LRP2: variants seen among roughly 807,000 people sequenced by gnomAD.
LRP2 encodes LDL receptor related protein 2.
LRP2 carries 172 observed loss-of-function variants against 531.0 expected under a neutral mutation model. That is an observed-to-expected ratio of 0.32 (90% CI 0.29 to 0.37). The LOEUF (loss-of-function observed/expected upper bound fraction) is 0.37, where lower values mean the gene tolerates loss of function less well. Ranked by LOEUF, LRP2 falls within the 10% of genes least tolerant of loss-of-function variation. The pLI is 1.00. For synonymous variants in LRP2, 1,992 were observed against 2,027.6 expected (o/e 0.98, Z 0.47); for missense variants, 5,167 against 5,868.3 (o/e 0.88, Z 3.90).
intron 6 of LRP2, among the ~76,000 whole-genome samples, chr2:169,293,342 A>G (rs1458129255): frequency 3.9e-5 from 6 of 152,246 alleles, no homozygotes; most frequent in African/African-American, 1.4e-4. Flanking sequence ...AAGCAAGGTC[A>G]GCGTGAAGAA....
At chr2:169,312,697 C>A (rs1329421221) in intron 3 of LRP2, among the ~76,000 whole-genome samples, 1 of 152,062 alleles carries the variant, frequency 6.6e-6, no homozygotes, top group South Asian at 2.1e-4. Flanking sequence ...TTGCTCTTCT[C>A]GAGGTATGTC....
At chr2:169,143,125 C>G (rs1386939243) in intron 70 of LRP2, among the ~76,000 whole-genome samples, 1 of 152,140 alleles carries the variant, frequency 6.6e-6, no homozygotes, top group Non-Finnish European at 1.5e-5. Context: ...TGCTAAACAA[C>G]TTGAGATGGT....
chr2:169,194,004 T>C, intron 46 of LRP2, 112 bp from the exon 47 acceptor site: 2 of 1,148,448 alleles, frequency 1.7e-6, no homozygotes, highest in Non-Finnish European at 1.3e-6. Flanking sequence ...AGAGCATTAT[T>C]TAATTATATA....
intron 44 of LRP2, among the ~76,000 whole-genome samples, chr2:169,200,553 G>A (rs1255867755): frequency 1.3e-5 from 2 of 152,064 alleles, no homozygotes; most frequent in Non-Finnish European, 2.9e-5. Context: ...AAAAACAGTT[G>A]ACAGCACTGT....
At chr2:169,188,882 T>G (rs1486288058) in intron 48 of LRP2, among the ~76,000 whole-genome samples, 1 of 152,188 alleles carries the variant, frequency 6.6e-6, no homozygotes, top group Non-Finnish European at 1.5e-5. Context: ...CTTCCATCTT[T>G]CATTACACTC....
At chr2:169,182,726 G>C in intron 50 of LRP2, 1 of 585,454 alleles carries the variant, frequency 1.7e-6, no homozygotes, top group Non-Finnish European at 2.2e-6. Context: ...GTGTGTCATT[G>C]AAACTGCACA....
chr2:169,158,967 A>G (rs1686466664), intron 63 of LRP2, among the ~76,000 whole-genome samples: 1 of 152,028 alleles, frequency 6.6e-6, no homozygotes, highest in Non-Finnish European at 1.5e-5. Context: ...CTAACACTTC[A>G]TTGTTCATCA....
chr2:169,188,912 G>A lies in LRP2; in HGVS notation c.9033-647C>T, dbSNP rs1687733278. ...ACACTCCTGCCATCTATCATGAGAT[G>A]TGAGTCTTCATGGTGATGTGAATAA... On this transcript the variant is annotated intron_variant, in intron 48 of 78. Coordinates refer to ENST00000649046, the MANE Select transcript of LRP2 (RefSeq NM_004525.3). Among the ~76,000 whole-genome samples the A allele has an allele frequency of 2.0e-5, 3 of 152,178 alleles. No homozygotes were observed. The South Asian group carries it at 6.2e-4, about 32-fold the overall frequency.
intron 1 of LRP2, among the ~76,000 whole-genome samples, chr2:169,336,804 C>G (rs920866950): frequency 1.3e-5 from 2 of 152,176 alleles, no homozygotes; most frequent in African/African-American, 4.8e-5. Context: ...GTTTGGCTAT[C>G]CTCAAGCAAG....
At chr2:169,218,319 C>T (rs1245254685) in intron 34 of LRP2, among the ~76,000 whole-genome samples, 1 of 152,138 alleles carries the variant, frequency 6.6e-6, no homozygotes, top group Non-Finnish European at 1.5e-5. Flanking sequence ...CCTGATATAT[C>T]TTAAAAGCTA....
In LRP2 at chr2:169,196,742, C is replaced by T. The variant is rs17848176; in HGVS notation, c.8698+169G>A. ...CTCCCCACACAGTGCTCTCCACTAACAGGTCTTAATGAATATCCGCTGAGC... is the reference window on the plus strand; with the variant it reads ...CTCCCCACACAGTGCTCTCCACTAATAGGTCTTAATGAATATCCGCTGAGC... On this transcript the variant is annotated intron_variant, in intron 46 of 78. Transcript: ENST00000649046. 1.6e-3 allele frequency among the ~76,000 whole-genome samples: 246 copies of T among 152,354 alleles called. 4 individuals carry two copies. The East Asian group carries it at 0.039, about 24-fold the overall frequency.
chr2:169,325,472 A>C (rs955743550), intron 1 of LRP2, among the ~76,000 whole-genome samples: 8 of 152,242 alleles, frequency 5.3e-5, no homozygotes, highest in Admixed American at 5.2e-4. Context: ...GTATGGATAG[A>C]CATCCTTCTG....
At chr2:169,186,571 C>G (rs959800097) in intron 49 of LRP2, among the ~76,000 whole-genome samples, 24 of 152,208 alleles carry the variant, frequency 1.6e-4, no homozygotes, top group African/African-American at 5.5e-4. Flanking sequence ...CTCTACTCAT[C>G]AAGGAGCAAT....
At chr2:169,165,478 G>A (rs1298482810) in intron 62 of LRP2, among the ~76,000 whole-genome samples, 4 of 152,180 alleles carry the variant, frequency 2.6e-5, no homozygotes, top group Non-Finnish European at 5.9e-5. Flanking sequence ...GATAAGCTCT[G>A]TTAACACCAG....
intron 63 of LRP2, among the ~76,000 whole-genome samples, chr2:169,160,685 A>AAAAAAAAAAAAAAAAAAACAAAC (rs970862922): frequency 2.1e-5 from 2 of 94,234 alleles, no homozygotes; most frequent in African/African-American, 9.1e-5. Context: ...ATTTCCTTAA[A>AAAAAAAAAAAAAAAAAAACAAAC]AAAAAAAAAA....
intron 64 of LRP2, 39 bp downstream of exon 64, chr2:169,157,332 A>C (rs1430760720): frequency 6.2e-7 from 1 of 1,606,140 alleles, no homozygotes; most frequent in Non-Finnish European, 8.5e-7. Context: ...CTTAGATGTA[A>C]AGTTCACCTA....
At chr2:169,270,156 A>T (rs1229623049) in intron 16 of LRP2, among the ~76,000 whole-genome samples, 3 of 152,240 alleles carry the variant, frequency 2.0e-5, no homozygotes, top group Non-Finnish European at 2.9e-5. Flanking sequence ...ACACTGTTGG[A>T]GGGACTGTAA....
chr2:169,307,512 T>C, intron 3 of LRP2, 115 bp from the exon 4 acceptor site: 1 of 712,646 alleles, frequency 1.4e-6, no homozygotes, highest in South Asian at 1.5e-5. Flanking sequence ...CAAGGTAAAG[T>C]ACCTGGCTAC....
intron 1 of LRP2, among the ~76,000 whole-genome samples, chr2:169,337,127 G>C (rs1268733830): frequency 6.6e-6 from 1 of 152,038 alleles, no homozygotes; most frequent in Admixed American, 6.6e-5. Context: ...CATGGCTCAC[G>C]ACCCTGACCC....
Sources: allele counts gnomAD v4.1 joint callset (sites outside exome capture counted in the v4.1 genomes callset), GRCh38; gene constraint gnomAD v4.1.1; transcripts MANE v1.5; gene names NCBI Gene and HGNC (gene_info 2026-07-23, HGNC 2026-07-21).